FRMD4B: variants seen among roughly 807,000 people sequenced by gnomAD.
FRMD4B encodes the protein FERM domain containing 4B, also known as FERM domain-containing protein 4B.
In FRMD4B, 74 loss-of-function variants were observed where a neutral mutation model predicts 141.5. The ratio of observed to expected loss-of-function variants is 0.52; its 90% confidence interval spans 0.43 to 0.63. The LOEUF (loss-of-function observed/expected upper bound fraction) is 0.63, where lower values mean the gene tolerates loss of function less well. FRMD4B is among the 30% of genes least tolerant of loss of function. The pLI is 0.00. For synonymous variants in FRMD4B, 506 were observed against 467.9 expected (o/e 1.08, Z -1.05); for missense variants, 1,366 against 1,253.4 (o/e 1.09, Z -1.36).
intron 4 of FRMD4B, among the ~76,000 whole-genome samples, chr3:69,288,347 A>C (rs7623492): frequency 0.52 from 78,366 of 152,092 alleles, 20,627 homozygotes; most frequent in Non-Finnish European, 0.56. Flanking sequence ...CACACTTTTC[A>C]ATCACTCCTT....
intron 21 of FRMD4B, among the ~76,000 whole-genome samples, chr3:69,177,884 G>T (rs944374861): frequency 1.3e-4 from 20 of 152,182 alleles, no homozygotes; most frequent in Middle Eastern, 3.4e-3. Context: ...CAAGATCAAG[G>T]CTATTTTTTG....
chr3:69,540,569 G>A (rs1309809118), intron 1 of FRMD4B, among the ~76,000 whole-genome samples: 2 of 135,740 alleles, frequency 1.5e-5, no homozygotes, highest in Non-Finnish European at 3.1e-5. Context: ...AGCCGAGATC[G>A]GCCACTGCAT....
intron 3 of FRMD4B, among the ~76,000 whole-genome samples, chr3:69,304,495 A>C (rs912403972): frequency 3.3e-5 from 5 of 151,788 alleles, no homozygotes; most frequent in African/African-American, 4.8e-5. Flanking sequence ...AAAAAAAAAA[A>C]AAAAAAAAAA....
chr3:69,363,091 C>T (rs965467493), intron 1 of FRMD4B, among the ~76,000 whole-genome samples: 3 of 151,922 alleles, frequency 2.0e-5, no homozygotes, highest in African/African-American at 7.3e-5. Context: ...TTGGTGAGGT[C>T]AACAGATTAG....
chr3:69,495,248 T>C (rs933234046), intron 1 of FRMD4B, among the ~76,000 whole-genome samples: 1 of 152,200 alleles, frequency 6.6e-6, no homozygotes, highest in African/African-American at 2.4e-5. Flanking sequence ...ATCCTGCCTT[T>C]TGTCTTGAAT....
At chr3:69,253,719 A>G (rs920119765) in intron 5 of FRMD4B, among the ~76,000 whole-genome samples, 1 of 152,238 alleles carries the variant, frequency 6.6e-6, no homozygotes, top group African/African-American at 2.4e-5. Context: ...TGTAGAAGAA[A>G]TGAAAAAGAA....
chr3:69,474,846 C>T (rs1705956985), intron 1 of FRMD4B, among the ~76,000 whole-genome samples: 1 of 152,122 alleles, frequency 6.6e-6, no homozygotes, highest in East Asian at 1.9e-4. Flanking sequence ...TTAACAACCC[C>T]TTAAACCAGG....
chr3:69,278,557 A>T (rs2093629025), intron 5 of FRMD4B, among the ~76,000 whole-genome samples: 1 of 151,554 alleles, frequency 6.6e-6, no homozygotes, highest in South Asian at 2.1e-4. Context: ...TGGGCCTCCC[A>T]AAGTGTTGCG....
At chr3:69,221,786 G>T in intron 9 of FRMD4B, 72 bp downstream of exon 9, 1 of 795,060 alleles carries the variant, frequency 1.3e-6, no homozygotes, top group East Asian at 2.6e-5. Context: ...CTACACAACA[G>T]AAATCATTTC....
chr3:69,351,754 C>A (rs1252448545), intron 1 of FRMD4B, among the ~76,000 whole-genome samples: 1 of 152,176 alleles, frequency 6.6e-6, no homozygotes, highest in Non-Finnish European at 1.5e-5. Flanking sequence ...CTGTGCCCTG[C>A]CCCTAACGGG....
At chr3:69,440,420 C>T (rs1705325812) in intron 1 of FRMD4B, among the ~76,000 whole-genome samples, 1 of 152,194 alleles carries the variant, frequency 6.6e-6, no homozygotes, top group African/African-American at 2.4e-5. Context: ...TTTTCAATTA[C>T]CCTTCACCAG....
intron 1 of FRMD4B, among the ~76,000 whole-genome samples, chr3:69,540,033 A>G (rs1380028852): frequency 1.3e-5 from 2 of 152,150 alleles, no homozygotes; most frequent in Non-Finnish European, 2.9e-5. Flanking sequence ...TCTCTACTAA[A>G]AATACAAAAA....
At chr3:69,343,603 G>A (rs9881389) in intron 1 of FRMD4B, among the ~76,000 whole-genome samples, 93,266 of 135,214 alleles carry the variant, frequency 0.69, 32,711 homozygotes, top group African/African-American at 0.83. Flanking sequence ...TTTTTTAGAC[G>A]GGGTCTCGCT....
At chr3:69,537,075 T>C (rs1701098845) in intron 1 of FRMD4B, among the ~76,000 whole-genome samples, 1 of 152,240 alleles carries the variant, frequency 6.6e-6, no homozygotes, top group Non-Finnish European at 1.5e-5. Flanking sequence ...TAATTTAATC[T>C]ATTAAATAGA....
chr3:69,301,547 C>G (rs528956112), intron 4 of FRMD4B, among the ~76,000 whole-genome samples: 4 of 152,264 alleles, frequency 2.6e-5, no homozygotes, highest in African/African-American at 9.6e-5. Context: ...CCAGGCTGTT[C>G]TCAAACTCCT....
intron 1 of FRMD4B, among the ~76,000 whole-genome samples, chr3:69,337,065 G>C (rs887224105): frequency 6.6e-6 from 1 of 152,146 alleles, no homozygotes; most frequent in Admixed American, 6.5e-5. Context: ...ATACTACAAG[G>C]CTACAGTAAC....
chr3:69,181,674 A>T lies in FRMD4B; in HGVS notation c.2076T>A (p.Ser692Arg). Reference sequence around the variant, plus strand: ...GGTGGGACTGGGACTCCAGGCTTCCACTCCGCTGGCGGCAGTGCTGAGATG... The same window carrying T: ...GGTGGGACTGGGACTCCAGGCTTCCTCTCCGCTGGCGGCAGTGCTGAGATG... ...ESSSQHCRQR[S>R]GSLESQSHLL... Residue 692 changes from serine to arginine, a missense_variant, in exon 21 of 23, where the codon AGT becomes AGA. Physicochemically the swap from Ser to Arg is moderately radical, Grantham distance 110. Transcript: ENST00000398540. 2.5e-6 allele frequency: 4 copies of T among 1,613,404 alleles called. No individual in the cohort carries two copies. Among genetic ancestry groups the T allele is most frequent in the Non-Finnish European group, 3.4e-6 (4 of 1,179,650 alleles).
intron 1 of FRMD4B, chr3:69,536,256 C>G: frequency 1.6e-6 from 1 of 610,916 alleles, no homozygotes; most frequent in Non-Finnish European, 3.0e-6. Context: ...GCCTTTTCCG[C>G]TCTCCTGGGG....
intron 5 of FRMD4B, among the ~76,000 whole-genome samples, chr3:69,263,328 A>C (rs1393826799): frequency 6.7e-6 from 1 of 148,384 alleles, no homozygotes; most frequent in East Asian, 2.0e-4. Context: ...AGAAAATGTG[A>C]GGGGCTTCTT....
Sources: gnomAD v4.1 joint callset for allele counts (sites outside exome capture counted in the v4.1 genomes callset) on GRCh38, gnomAD v4.1.1 for gene constraint, MANE v1.5 for transcripts, NCBI Gene and HGNC (gene_info 2026-07-23, HGNC 2026-07-21) for gene names.